Variants in ITPK1 observed in about 807,000 individuals in gnomAD.
ITPK1 encodes the protein inositol-tetrakisphosphate 1-kinase, also known as inositol 1,3,4-trisphosphate 5/6-kinase.
Under a neutral mutation model 45.3 loss-of-function variants are expected in ITPK1, and 21 were observed. That is an observed-to-expected ratio of 0.46 (90% CI 0.33 to 0.67). The LOEUF (loss-of-function observed/expected upper bound fraction) is 0.67, where lower values mean the gene tolerates loss of function less well. Ranked by LOEUF, ITPK1 falls within the 30% of genes least tolerant of loss-of-function variation. The pLI, the probability that ITPK1 is intolerant of heterozygous loss-of-function variation, is 0.02. For missense variants in ITPK1, 474 were observed against 573.5 expected, an observed-to-expected ratio of 0.83 and a Z score of 1.77; for synonymous variants, 258 against 253.6, an observed-to-expected ratio of 1.02 and a Z score of -0.16.
At chr14:92,962,253 G>T in intron 7 of ITPK1, 102 bp downstream of exon 7, 1 of 868,676 alleles carries the variant, frequency 1.2e-6, no homozygotes, top group South Asian at 1.3e-5. Context: ...CTAACAGCAG[G>T]GCAGGAGCAG....
intron 2 of ITPK1, among the ~76,000 whole-genome samples, chr14:93,080,600 G>C (rs1473363227): frequency 6.6e-6 from 1 of 152,198 alleles, no homozygotes; most frequent in East Asian, 1.9e-4. Flanking sequence ...CTGGAAAACA[G>C]ACTGAGGTGC....
At chr14:93,085,953 G>C (rs113291338) in intron 2 of ITPK1, among the ~76,000 whole-genome samples, 12,919 of 152,040 alleles carry the variant, frequency 0.085, 622 homozygotes, top group Non-Finnish European at 0.099. Context: ...GGCAGGCTTG[G>C]TTCTAGCACC....
At chr14:92,965,929 G>A (rs1885328303) in intron 5 of ITPK1, among the ~76,000 whole-genome samples, 1 of 152,228 alleles carries the variant, frequency 6.6e-6, no homozygotes, top group African/African-American at 2.4e-5. Context: ...CTTGAATGCA[G>A]GAGGTGGAGG....
chr14:93,111,451 C>T (rs1474215775), intron 2 of ITPK1, among the ~76,000 whole-genome samples: 2 of 152,188 alleles, frequency 1.3e-5, no homozygotes, highest in African/African-American at 4.8e-5. Flanking sequence ...CCAGGAATGC[C>T]TGTAATCCCA....
chr14:93,098,858 CA>C (rs1296663155), intron 2 of ITPK1, among the ~76,000 whole-genome samples: 1 of 152,128 alleles, frequency 6.6e-6, no homozygotes, highest in Non-Finnish European at 1.5e-5. Context: ...GAACACCAAG[CA>C]GAGGCACCCA....
At chr14:93,023,663 T>C (rs973058011) in intron 3 of ITPK1, among the ~76,000 whole-genome samples, 3 of 152,120 alleles carry the variant, frequency 2.0e-5, no homozygotes, top group Admixed American at 1.3e-4. Flanking sequence ...AACTGCAAGG[T>C]TGAGAACAGG....
intron 2 of ITPK1, among the ~76,000 whole-genome samples, chr14:93,089,262 T>C (rs1891775522): frequency 6.6e-6 from 1 of 152,204 alleles, no homozygotes; most frequent in Non-Finnish European, 1.5e-5. Flanking sequence ...GCCTCTGGCA[T>C]GTCAGGATGC....
chr14:93,060,280 A>C (rs1463996279), intron 3 of ITPK1, among the ~76,000 whole-genome samples: 1 of 152,160 alleles, frequency 6.6e-6, no homozygotes, highest in East Asian at 1.9e-4. Context: ...CAGCTCAACA[A>C]ACAGCCCCTG....
chr14:92,966,111 G>A (rs1885341650), intron 5 of ITPK1, among the ~76,000 whole-genome samples: 1 of 152,194 alleles, frequency 6.6e-6, no homozygotes, highest in Non-Finnish European at 1.5e-5. Context: ...AAACTCCCAG[G>A]CTCAAGGGAT....
chr14:93,018,045 C>G (rs1002529475), intron 3 of ITPK1, among the ~76,000 whole-genome samples: 1 of 152,296 alleles, frequency 6.6e-6, no homozygotes, highest in South Asian at 2.1e-4. Flanking sequence ...CCTGCAACCC[C>G]GCTCCCCACG....
intron 5 of ITPK1, among the ~76,000 whole-genome samples, chr14:92,966,922 C>T (rs1366373511): frequency 1.3e-5 from 2 of 152,218 alleles, no homozygotes; most frequent in Non-Finnish European, 2.9e-5. Flanking sequence ...AACCCTACTT[C>T]ACATCGTATA....
chr14:93,057,677 C>A (rs1420355638), intron 3 of ITPK1, among the ~76,000 whole-genome samples: 1 of 152,198 alleles, frequency 6.6e-6, no homozygotes. Flanking sequence ...CAGAGCCCGG[C>A]CGAGGCCATG....
chr14:93,046,210 A>G (rs192920098), intron 3 of ITPK1, among the ~76,000 whole-genome samples: 160 of 152,304 alleles, frequency 1.1e-3, no homozygotes, highest in Admixed American at 5.1e-3. Flanking sequence ...TCTTGTGGCC[A>G]TTGCTCAGGT....
chr14:92,993,329 T>C (rs558197376), intron 5 of ITPK1, among the ~76,000 whole-genome samples: 2 of 152,346 alleles, frequency 1.3e-5, no homozygotes, highest in East Asian at 3.9e-4. Flanking sequence ...TTGAGTTCTC[T>C]GGCTCTGCCT....
intron 5 of ITPK1, among the ~76,000 whole-genome samples, chr14:92,991,656 A>G (rs979749309): frequency 1.9e-4 from 29 of 152,114 alleles, no homozygotes; most frequent in Admixed American, 1.8e-3. Context: ...CGGGCAACAG[A>G]GGTACCTCCT....
At chr14:93,019,379 C>T (rs1015215315) in intron 3 of ITPK1, among the ~76,000 whole-genome samples, 1 of 152,310 alleles carries the variant, frequency 6.6e-6, no homozygotes, top group Non-Finnish European at 1.5e-5. Flanking sequence ...ACCTGACAAC[C>T]GCAGCTGTTT....
rs1041762856 is a variant in ITPK1 at position 93,115,908 on chromosome 14, C to T, written c.-279G>A. 18 of 146,134 alleles carry T rather than the reference C, an allele frequency of 1.2e-4. No homozygotes were observed. The highest frequency in any genetic ancestry group is 2.7e-4 in the Non-Finnish European group (18 of 65,724). The allele number at this position is 146,134 out of a possible 1,614,324, so 9.1% of individuals were successfully genotyped here. ...GCTGGCCCGGCCGCCCCGCTTGAGC[C>T]CGCGGCGGCGAGGAAGCGGCGGGGC... On this transcript the variant is annotated 5_prime_UTR_variant, in exon 1 of 11. Coordinates refer to ENST00000267615, the MANE Select transcript of ITPK1 (RefSeq NM_014216.6).
intron 4 of ITPK1, among the ~76,000 whole-genome samples, chr14:93,015,601 C>T (rs1888135723): frequency 1.3e-5 from 2 of 152,262 alleles, no homozygotes; most frequent in Non-Finnish European, 2.9e-5. Flanking sequence ...GGACTTGGGG[C>T]CACTGGCAGG....
chr14:93,099,880 C>A (rs948513293), intron 2 of ITPK1, among the ~76,000 whole-genome samples: 4 of 152,202 alleles, frequency 2.6e-5, no homozygotes, highest in Non-Finnish European at 5.9e-5. Flanking sequence ...AACGTCCTAG[C>A]CCTGGACTCT....
Sources: allele counts gnomAD v4.1 joint callset (sites outside exome capture counted in the v4.1 genomes callset), GRCh38; gene constraint gnomAD v4.1.1; transcripts MANE v1.5; gene names NCBI Gene and HGNC (gene_info 2026-07-23, HGNC 2026-07-21).